CERS6: variants seen among roughly 807,000 people sequenced by gnomAD.
CERS6 encodes LAG1 homolog, ceramide synthase 6.
In CERS6, 26 loss-of-function variants were observed where a neutral mutation model predicts 56.8. The observed-to-expected ratio is 0.46, with a 90% CI of 0.34 to 0.63. CERS6 has a LOEUF of 0.63. Ranked by LOEUF, CERS6 falls within the 30% of genes least tolerant of loss-of-function variation. The probability of loss-of-function intolerance (pLI) is 0.01; values close to 1 mark genes in which losing one functional copy is unlikely to be tolerated. For missense variants in CERS6, 415 were observed against 467.5 expected (o/e 0.89, Z 1.04); for synonymous variants, 164 against 173.3 (o/e 0.95, Z 0.42).
At chr2:168,549,492 A>G (rs938424720) in intron 2 of CERS6, among the ~76,000 whole-genome samples, 5 of 151,928 alleles carry the variant, frequency 3.3e-5, no homozygotes, top group Admixed American at 2.6e-4. Context: ...AAAATTAGCC[A>G]GGCGTGGTGG....
At chr2:168,721,812 G>T (rs993917808) in intron 8 of CERS6, among the ~76,000 whole-genome samples, 1 of 151,862 alleles carries the variant, frequency 6.6e-6, no homozygotes, top group African/African-American at 2.4e-5. Context: ...TAGAGACGGG[G>T]TCTCACTGCA....
At chr2:168,645,984 A>G (rs1230817192) in intron 4 of CERS6, among the ~76,000 whole-genome samples, 2 of 152,164 alleles carry the variant, frequency 1.3e-5, no homozygotes, top group African/African-American at 4.8e-5. Flanking sequence ...TATTGCAAAT[A>G]GGGCTGCAGT....
intron 3 of CERS6, among the ~76,000 whole-genome samples, chr2:168,610,106 T>C (rs190008304): frequency 6.7e-6 from 1 of 149,550 alleles, no homozygotes; most frequent in African/African-American, 2.4e-5. Flanking sequence ...GCCTCCCAAG[T>C]AGCTGGGACT....
At chr2:168,550,249 C>T (rs1695542392) in intron 2 of CERS6, among the ~76,000 whole-genome samples, 1 of 152,130 alleles carries the variant, frequency 6.6e-6, no homozygotes, top group Non-Finnish European at 1.5e-5. Flanking sequence ...AACTGTAGCA[C>T]ACTGCAGCCT....
At chr2:168,662,365 T>C (rs1685652724) in intron 4 of CERS6, among the ~76,000 whole-genome samples, 1 of 152,066 alleles carries the variant, frequency 6.6e-6, no homozygotes, top group Non-Finnish European at 1.5e-5. Flanking sequence ...GGGGTTGCTG[T>C]AAAAGGAAGA....
Position 168,706,651 on chromosome 2 carries a change from A to G in CERS6, c.610-8350A>G, listed in dbSNP as rs112604141. 4.9e-3 allele frequency among the ~76,000 whole-genome samples: 744 copies of G among 152,302 alleles called. 6 individuals are homozygous for G. Among genetic ancestry groups the G allele is most frequent in the African/African-American group, 0.017 (708 of 41,578 alleles). Reference sequence around the variant, plus strand: ...TTCTTTATAGTTTATCTGAATTTTGAGAGTAATATTGAATGGATTACATCC... The same window carrying G: ...TTCTTTATAGTTTATCTGAATTTTGGGAGTAATATTGAATGGATTACATCC... On this transcript the variant is annotated intron_variant, in intron 6 of 9. Transcript: ENST00000305747.
chr2:168,756,777 A>G (rs1301741580), intron 8 of CERS6, among the ~76,000 whole-genome samples: 1 of 152,296 alleles, frequency 6.6e-6, no homozygotes, highest in Non-Finnish European at 1.5e-5. Flanking sequence ...ACCAGCAGAC[A>G]GGTAGCTTCA....
chr2:168,650,600 C>G (rs1685319168), intron 4 of CERS6, among the ~76,000 whole-genome samples: 1 of 152,096 alleles, frequency 6.6e-6, no homozygotes, highest in African/African-American at 2.4e-5. Context: ...TCTCCCAGCC[C>G]CCTTTGTCTA....
chr2:168,507,420 A>G (rs1694697999), intron 1 of CERS6, among the ~76,000 whole-genome samples: 1 of 152,102 alleles, frequency 6.6e-6, no homozygotes, highest in Non-Finnish European at 1.5e-5. Flanking sequence ...ATAGGCCTTT[A>G]AGTAGGATAT....
intron 6 of CERS6, among the ~76,000 whole-genome samples, chr2:168,695,642 C>G (rs1012032118): frequency 6.6e-6 from 1 of 152,132 alleles, no homozygotes; most frequent in Non-Finnish European, 1.5e-5. Context: ...TTCTGTGACA[C>G]CATATTTGGA....
chr2:168,486,882 T>C (rs956991384), intron 1 of CERS6, among the ~76,000 whole-genome samples: 4 of 152,192 alleles, frequency 2.6e-5, no homozygotes, highest in African/African-American at 4.8e-5. Context: ...TATCCACTTA[T>C]TCATTGCTAG....
In CERS6 at chr2:168,662,664, G is replaced by A. The variant is rs148463228; in HGVS notation, c.466-28370G>A. ...GGAGAATCGCTTGAACCCGGGAGGC[G>A]GAGGTTGCAGTGAGTTAAGATCACA... On this transcript the variant is annotated intron_variant, in intron 4 of 9. Transcript: ENST00000305747. 3.3e-5 allele frequency among the ~76,000 whole-genome samples: 5 copies of A among 152,232 alleles called. No individual in the cohort carries two copies. In the East Asian group the frequency reaches 5.8e-4, roughly 18 times the overall value.
At chr2:168,656,309 G>A (rs1001963473) in intron 4 of CERS6, among the ~76,000 whole-genome samples, 3 of 152,228 alleles carry the variant, frequency 2.0e-5, no homozygotes, top group Non-Finnish European at 2.9e-5. Context: ...TGAAAGTTTT[G>A]TAGCTTTTAA....
intron 6 of CERS6, among the ~76,000 whole-genome samples, chr2:168,708,932 G>A (rs1020873017): frequency 3.9e-5 from 6 of 152,048 alleles, no homozygotes; most frequent in Non-Finnish European, 7.4e-5. Flanking sequence ...TATTTTTAAT[G>A]AAAAATGGGT....
At chr2:168,658,717 G>C (rs561153953) in intron 4 of CERS6, among the ~76,000 whole-genome samples, 1 of 152,316 alleles carries the variant, frequency 6.6e-6, no homozygotes, top group East Asian at 1.9e-4. Flanking sequence ...CCAAACCCTA[G>C]GGGGCAGATA....
intron 1 of CERS6, among the ~76,000 whole-genome samples, chr2:168,475,534 G>GGTAGAGGAAGACCATAAAT (rs11275183): frequency 0.072 from 10,993 of 152,090 alleles, 453 homozygotes; most frequent in East Asian, 0.18. Context: ...GAAATGACAG[G>GGTAGAGGAAGACCATAAAT]GTAGAATCAA....
intron 5 of CERS6, 35 bp downstream of exon 5, chr2:168,691,119 A>G (rs758213835): frequency 4.4e-6 from 7 of 1,585,986 alleles, no homozygotes; most frequent in Admixed American, 3.3e-5. Context: ...TTTTACACAC[A>G]TTAAGTATCT....
chr2:168,478,471 T>C (rs1362830595), intron 1 of CERS6, among the ~76,000 whole-genome samples: 1 of 152,190 alleles, frequency 6.6e-6, no homozygotes, highest in Non-Finnish European at 1.5e-5. Flanking sequence ...ATCTGGTGCC[T>C]ACAGTTGTCA....
At chr2:168,545,410 A>G (rs1025381064) in intron 1 of CERS6, among the ~76,000 whole-genome samples, 1 of 152,240 alleles carries the variant, frequency 6.6e-6, no homozygotes, top group Non-Finnish European at 1.5e-5. Flanking sequence ...CATTCTTGGA[A>G]TTTAAAGAAA....
Sources: gnomAD v4.1 joint callset for allele counts (sites outside exome capture counted in the v4.1 genomes callset) on GRCh38, gnomAD v4.1.1 for gene constraint, MANE v1.5 for transcripts, NCBI Gene and HGNC (gene_info 2026-07-23, HGNC 2026-07-21) for gene names.